NREP: variants seen among roughly 807,000 people sequenced by gnomAD.
NREP encodes the protein neuronal regeneration-related protein.
A neutral mutation model predicts 8.6 loss-of-function variants in NREP; 5 were observed. That is an observed-to-expected ratio of 0.58 (90% CI 0.30 to 1.22). The LOEUF is 1.22. NREP is among the 50% of genes most tolerant of loss of function. NREP has a pLI of 0.07. For missense variants in NREP, 86 were observed against 82.5 expected, an observed-to-expected ratio of 1.04 and a Z score of -0.17; for synonymous variants, 27 against 28.0, an observed-to-expected ratio of 0.96 and a Z score of 0.11.
At chr5:111,965,256 G>C (rs889588660) in intron 2 of NREP, among the ~76,000 whole-genome samples, 3 of 152,042 alleles carry the variant, frequency 2.0e-5, no homozygotes, top group African/African-American at 7.3e-5. Context: ...GGCAAGAATT[G>C]CATCACATAC....
rs1754260940 is a variant in NREP, at chr5:111,886,781, A to G, written c.135+88493T>C. ...GGTGGGAACTGAACAATGAGACCAC[A>G]TGGACACAGGAAGGGGAACATCACA... On this transcript the variant is annotated intron_variant, in intron 2 of 3. Coordinates refer to the NREP transcript ENST00000395634. Among the ~76,000 whole-genome samples the G allele has an allele frequency of 2.0e-5, 3 of 149,568 alleles. No individual in the cohort carries two copies. In the South Asian group the frequency reaches 6.6e-4, roughly 33 times the overall value.
At chr5:111,926,319 G>C (rs1007957259) in intron 2 of NREP, among the ~76,000 whole-genome samples, 1 of 152,070 alleles carries the variant, frequency 6.6e-6, no homozygotes, top group Non-Finnish European at 1.5e-5. Context: ...CTTAATAGTT[G>C]TCTCAGGATT....
At chr5:111,828,037 T>C (rs1752669711) in intron 2 of NREP, among the ~76,000 whole-genome samples, 1 of 152,116 alleles carries the variant, frequency 6.6e-6, no homozygotes, top group African/African-American at 2.4e-5. Context: ...TTTAGAATTT[T>C]TTTTTTTTTA....
chr5:111,941,123 T>G (rs995619055), intron 2 of NREP, among the ~76,000 whole-genome samples: 1 of 152,042 alleles, frequency 6.6e-6, no homozygotes, highest in African/African-American at 2.4e-5. Context: ...AAGAAATAAA[T>G]GGACATCAAA....
intron 2 of NREP, among the ~76,000 whole-genome samples, chr5:111,959,369 T>C (rs930954671): frequency 1.3e-5 from 2 of 151,980 alleles, no homozygotes; most frequent in Non-Finnish European, 2.9e-5. Flanking sequence ...GGGGCTGATG[T>C]TCTTTTTTCT....
At chr5:111,753,115 G>A (rs1561648465) in intron 2 of NREP, among the ~76,000 whole-genome samples, 1 of 151,446 alleles carries the variant, frequency 6.6e-6, no homozygotes, top group Non-Finnish European at 1.5e-5. Flanking sequence ...AAAACAAAAA[G>A]TTGGAGAATG....
chr5:111,940,668 T>G (rs1324789215), intron 2 of NREP, among the ~76,000 whole-genome samples: 1 of 152,002 alleles, frequency 6.6e-6, no homozygotes, highest in Non-Finnish European at 1.5e-5. Flanking sequence ...GAGAGGCAGG[T>G]GACCTCATGC....
At chr5:111,780,252 G>C (rs1308458605) in intron 2 of NREP, among the ~76,000 whole-genome samples, 1 of 152,210 alleles carries the variant, frequency 6.6e-6, no homozygotes, top group Non-Finnish European at 1.5e-5. Flanking sequence ...GAATACATTA[G>C]TGGGACTTTG....
chr5:111,772,058 T>G (rs888602319), intron 2 of NREP, among the ~76,000 whole-genome samples: 1 of 152,198 alleles, frequency 6.6e-6, no homozygotes, highest in Non-Finnish European at 1.5e-5. Flanking sequence ...AATTCCACGA[T>G]CTGTAAAACA....
At chr5:111,866,233 A>C (rs1180970982) in intron 2 of NREP, among the ~76,000 whole-genome samples, 1 of 152,152 alleles carries the variant, frequency 6.6e-6, no homozygotes, top group Non-Finnish European at 1.5e-5. Context: ...AATGGGAGAA[A>C]ATTTTTGCAA....
chr5:111,795,353 G>A (rs1751851861), intron 2 of NREP, among the ~76,000 whole-genome samples: 1 of 152,170 alleles, frequency 6.6e-6, no homozygotes, highest in Non-Finnish European at 1.5e-5. Flanking sequence ...TGCTTTACAA[G>A]GAAGGACTGC....
chr5:111,932,549 C>T (rs2112600838), intron 2 of NREP, among the ~76,000 whole-genome samples: 1 of 152,180 alleles, frequency 6.6e-6, no homozygotes, highest in East Asian at 1.9e-4. Flanking sequence ...CAGGACTTGT[C>T]TTCAAAACTC....
At chr5:111,926,696 A>G (rs1224686849) in intron 2 of NREP, among the ~76,000 whole-genome samples, 2 of 151,710 alleles carry the variant, frequency 1.3e-5, no homozygotes, top group Non-Finnish European at 2.9e-5. Flanking sequence ...ATGGTTTGTT[A>G]CCCATCTAGA....
chr5:111,814,163 C>G (rs1027216357), intron 2 of NREP, among the ~76,000 whole-genome samples: 11 of 152,030 alleles, frequency 7.2e-5, no homozygotes, highest in Admixed American at 7.2e-4. Context: ...TCAAAAGGCA[C>G]TAGTTTCAGT....
chr5:111,838,905 A>G (rs1475317258), intron 2 of NREP, among the ~76,000 whole-genome samples: 2 of 152,118 alleles, frequency 1.3e-5, no homozygotes, highest in Non-Finnish European at 2.9e-5. Context: ...GACAACTGGA[A>G]AATTTTGAAC....
chr5:111,949,918 G>T (rs1302634021), intron 2 of NREP, among the ~76,000 whole-genome samples: 1 of 152,074 alleles, frequency 6.6e-6, no homozygotes, highest in African/African-American at 2.4e-5. Context: ...ATGGTAGAAT[G>T]ATTTATAATC....
At chr5:111,879,472 A>G (rs1437888636) in intron 2 of NREP, among the ~76,000 whole-genome samples, 1 of 152,238 alleles carries the variant, frequency 6.6e-6, no homozygotes, top group African/African-American at 2.4e-5. Flanking sequence ...AATTCAAAGC[A>G]TAGAAAGGTT....
At chr5:111,784,884 T>G (rs566039507) in intron 2 of NREP, among the ~76,000 whole-genome samples, 13 of 152,186 alleles carry the variant, frequency 8.5e-5, no homozygotes, top group Non-Finnish European at 1.9e-4. Flanking sequence ...AGTATGATGA[T>G]TCTATCTGGG....
chr5:111,843,706 G>A (rs1010343762), intron 2 of NREP, among the ~76,000 whole-genome samples: 4 of 152,158 alleles, frequency 2.6e-5, no homozygotes, highest in Admixed American at 2.0e-4. Context: ...GGCTTTAGCT[G>A]GGAAAGCCCT....
Sources: gnomAD v4.1 joint callset for allele counts (sites outside exome capture counted in the v4.1 genomes callset) on GRCh38, gnomAD v4.1.1 for gene constraint, MANE v1.5 for transcripts, NCBI Gene and HGNC (gene_info 2026-07-23, HGNC 2026-07-21) for gene names.